KLB: variants seen among roughly 807,000 people sequenced by gnomAD.
KLB encodes the protein beta-klotho.
In KLB, 44 loss-of-function variants were observed where a neutral mutation model predicts 88.4. The observed-to-expected ratio is 0.50, with a 90% CI of 0.39 to 0.64. The LOEUF is 0.64. KLB is among the 30% of genes least tolerant of loss of function. The pLI is 0.00. For synonymous variants in KLB, 548 were observed against 513.4 expected (o/e 1.07, Z -0.91); for missense variants, 1,137 against 1,304.8 (o/e 0.87, Z 1.98).
rs201137531 is a variant in KLB at position 39,434,256 on chromosome 4, A to G, written c.872A>G (p.His291Arg). The G allele has an allele frequency of 1.2e-5, 19 of 1,614,056 alleles. No homozygotes were observed. In the Admixed American group the frequency reaches 2.5e-4, roughly 21 times the overall value. The change falls in exon 2 of 5, where the codon CAT (histidine) becomes CGT (arginine). Residue 291 changes from histidine to arginine, a missense_variant. By Grantham distance (29) the His-to-Arg change is conservative (BLOSUM62 0). Around this residue, in one of 4 missense-constraint regions of KLB, gnomAD observed 597 missense variants for 765.2 expected, o/e 0.78. Transcript: ENST00000257408. ...AACTACAACACACATTTCCGCCCAC[A>G]TCAGAAGGGTTGGTTATCGATCACG... Reference protein sequence around the residue: ...WHNYNTHFRPHQKGWLSITLG... With the variant: ...WHNYNTHFRPRQKGWLSITLG...
Position 39,448,165 on chromosome 4 carries a change from CA to C in KLB, c.2750-128del, listed in dbSNP as rs559950864. Reference sequence around the variant, plus strand: ...ACATAGATCATAAAAGAATAAATGTCAAAAAAAACCCTCTAATAAAAATCAC... The same window carrying C: ...ACATAGATCATAAAAGAATAAATGTCAAAAAAACCCTCTAATAAAAATCAC... On this transcript the variant is annotated intron_variant, in intron 4 of 4. Transcript: ENST00000257408. 8.6e-3 allele frequency: 5,343 copies of C among 617,736 alleles called. 37 individuals carry two copies. Among genetic ancestry groups the C allele is most frequent in the Non-Finnish European group, 0.012 (4,438 of 365,114 alleles). 38.3% of individuals were successfully genotyped at this position (617,736 alleles called of 1,614,324 possible).
intron 1 of KLB, among the ~76,000 whole-genome samples, chr4:39,425,107 A>G (rs761618682): frequency 6.6e-6 from 1 of 152,210 alleles, no homozygotes; most frequent in Non-Finnish European, 1.5e-5. Context: ...CTCTACAAAG[A>G]TGGCATGCAA....
chr4:39,448,439 G>A lies in KLB; in HGVS notation c.2888G>A (p.Ser963Asn), dbSNP rs201588988. The A allele has an allele frequency of 3.2e-5, 52 of 1,614,172 alleles. No homozygotes were observed. In the South Asian group the frequency reaches 4.1e-4, roughly 13 times the overall value. ...SSIQFYNKVI[S>N]SRGFPFENSS... ...ATACAATTTTACAACAAAGTGATCA[G>A]CAGCAGGGGCTTCCCTTTTGAGAAC... The change falls in exon 5 of 5, where the codon AGC becomes AAC. Residue 963 changes from serine to asparagine, a missense_variant. Physicochemically the swap from Ser to Asn is conservative, Grantham distance 46. Around this residue, in one of 4 missense-constraint regions of KLB, gnomAD observed 426 missense variants for 404.6 expected, o/e 1.05. Transcript: ENST00000257408.
In KLB at chr4:39,446,357, A is replaced by G; in HGVS notation, c.1631A>G (p.Gln544Arg). The change falls in exon 4 of 5, where the codon CAG becomes CGG. Residue 544 changes from glutamine to arginine, a missense_variant. Around this residue, in one of 4 missense-constraint regions of KLB, gnomAD observed 597 missense variants for 765.2 expected, o/e 0.78. Coordinates refer to ENST00000257408, the MANE Select transcript of KLB (RefSeq NM_175737.4). The surrounding 1 kb of genome is among the most constrained non-coding windows in gnomAD (Gnocchi z 6.4). ...CCCGAGTCTGTGGCTTCGTCCCCACAGTTCAGCGATCCTCATCTGTACGTG... is the reference window on the plus strand; with the variant it reads ...CCCGAGTCTGTGGCTTCGTCCCCACGGTTCAGCGATCCTCATCTGTACGTG... ...LKPESVASSP[Q>R]FSDPHLYVWN... is the part of the protein sequence containing the mutation. The G allele has an allele frequency of 6.2e-7, 1 of 1,614,018 alleles. No individual in the cohort carries two copies.
chr4:39,437,800 T>C lies in KLB; in HGVS notation c.1410T>C (p.Asp470=). The C allele has an allele frequency of 6.2e-7, 1 of 1,614,204 alleles. No homozygotes were observed. Among genetic ancestry groups the C allele is most frequent in the Non-Finnish European group, 8.5e-7 (1 of 1,180,012 alleles). Residue 470 remains aspartate, a synonymous_variant, in exon 3 of 5, where the codon GAT becomes GAC. Transcript: ENST00000257408. ...WSLLDGFEWQ[D]AYTIRRGLFY... Reference sequence around the variant, plus strand: ...TCCTGGATGGCTTTGAATGGCAGGATGCTTACACCATCCGCCGAGGATTAT... The same window carrying C: ...TCCTGGATGGCTTTGAATGGCAGGACGCTTACACCATCCGCCGAGGATTAT...
intron 1 of KLB, among the ~76,000 whole-genome samples, chr4:39,426,016 G>C (rs1291304127): frequency 6.6e-6 from 1 of 152,012 alleles, no homozygotes; most frequent in Non-Finnish European, 1.5e-5. Context: ...ACTTTGGGAG[G>C]CCGAGGCGGG....
At chr4:39,407,803 C>G in intron 1 of KLB, 29 bp downstream of exon 1, 2 of 1,244,840 alleles carry the variant, frequency 1.6e-6, no homozygotes, top group Non-Finnish European at 2.2e-6. Flanking sequence ...CTTCTTATAG[C>G]TTCAGAAAAC....
At chr4:39,439,234 AAC>A (rs1743543279) in intron 3 of KLB, among the ~76,000 whole-genome samples, 1 of 152,024 alleles carries the variant, frequency 6.6e-6, no homozygotes, top group Admixed American at 6.5e-5. Context: ...CCTGGGCTCA[AAC>A]ACACATCCTT....
chr4:39,420,252 C>T (rs1743052073), intron 1 of KLB, among the ~76,000 whole-genome samples: 1 of 151,974 alleles, frequency 6.6e-6, no homozygotes. Flanking sequence ...GATTACATGA[C>T]CAAAGTCTTG....
At chr4:39,411,432 C>A (rs1368856746) in intron 1 of KLB, among the ~76,000 whole-genome samples, 1 of 150,874 alleles carries the variant, frequency 6.6e-6, no homozygotes, top group Admixed American at 6.6e-5. Context: ...CTCCGCCTCC[C>A]AGGTTCACGC....
intron 1 of KLB, among the ~76,000 whole-genome samples, chr4:39,408,496 T>C (rs978555503): frequency 9.2e-5 from 14 of 152,186 alleles, no homozygotes; most frequent in African/African-American, 3.1e-4. Flanking sequence ...TGAGTACTTA[T>C]TATGTACCAC....
chr4:39,409,247 C>T (rs1317358334), intron 1 of KLB, among the ~76,000 whole-genome samples: 1 of 151,250 alleles, frequency 6.6e-6, no homozygotes, highest in South Asian at 2.1e-4. Flanking sequence ...CAAGATTATG[C>T]ATACAAAAGT....
chr4:39,448,609 C>A lies in KLB; in HGVS notation c.3058C>A (p.Gln1020Lys), dbSNP rs4975017. 529,303 of 1,613,676 alleles carry A rather than the reference C, an allele frequency of 0.33. 89,808 individuals are homozygous for A. The highest frequency in any genetic ancestry group is 0.43 in the South Asian group (38,955 of 91,064). ...CTTATCAATTGCCATTTTTCAAAGG[C>A]AGAAGAGAAGAAAGTTTTGGAAAGC... Reference protein sequence around the residue: ...LLLSIAIFQRQKRRKFWKAKN... With the variant: ...LLLSIAIFQRKKRRKFWKAKN... The change falls in exon 5 of 5, where the codon CAG becomes AAG. Residue 1020 changes from glutamine to lysine, a missense_variant. Gln to Lys is a moderately conservative substitution (Grantham distance 53, BLOSUM62 1). This residue lies in a region of KLB where 426 missense variants were observed against 404.6 expected (regional missense o/e 1.05). Transcript: ENST00000257408.
At chr4:39,432,888 T>G (rs1743393424) in intron 1 of KLB, among the ~76,000 whole-genome samples, 1 of 152,086 alleles carries the variant, frequency 6.6e-6, no homozygotes, top group Non-Finnish European at 1.5e-5. Context: ...GGGATTTTTT[T>G]TTTTTTTGAG....
chr4:39,423,715 C>T (rs1743136873), intron 1 of KLB, among the ~76,000 whole-genome samples: 1 of 151,770 alleles, frequency 6.6e-6, no homozygotes, highest in South Asian at 2.1e-4. Context: ...CAGGCCCTCC[C>T]CTGGGCATCT....
chr4:39,446,784 G>A lies in KLB; in HGVS notation c.2058G>A (p.Lys686=). 2 of 1,611,174 alleles carry A rather than the reference G, an allele frequency of 1.2e-6. No individual in the cohort carries two copies. The highest frequency in any genetic ancestry group is 2.2e-5 in the East Asian group (1 of 44,874). The change falls in exon 4 of 5, where the codon AAG becomes AAA. Residue 686 remains lysine, a synonymous_variant. Coordinates refer to ENST00000257408, the MANE Select transcript of KLB (RefSeq NM_175737.4). This position sits in a 1 kb window ranked among gnomAD's most constrained non-coding sequence, Gnocchi z 6.4. ...LCFQELGDLV[K]LWITINEPNR... ...TCCAGGAGCTGGGGGACCTGGTGAA[G>A]CTCTGGATCACCATCAACGAGCCTA...
chr4:39,440,085 T>A (rs1338911107), intron 3 of KLB, among the ~76,000 whole-genome samples: 1 of 151,942 alleles, frequency 6.6e-6, no homozygotes, highest in Non-Finnish European at 1.5e-5. Flanking sequence ...ATTACAGGTG[T>A]GAGCCACCAT....
intron 2 of KLB, 120 bp downstream of exon 2, chr4:39,434,840 GC>G (rs1743437405): frequency 1.3e-6 from 1 of 793,544 alleles, no homozygotes; most frequent in Admixed American, 3.0e-5. Context: ...GGAGTTTCTC[GC>G]TGTCTCCCAG....
At position 39,439,556 on chromosome 4, in the gene KLB, C is replaced by T. The variant is rs565334021; in HGVS notation, c.1605+1561C>T. ...TTTTGGCTCATTGTAACCTCTGCCT[C>T]CCCAGTTCAAACGATTCTCCTGCCT... On this transcript the variant is annotated intron_variant, in intron 3 of 4. Transcript: ENST00000257408. Among the ~76,000 whole-genome samples, 7 of 152,220 alleles carry T rather than the reference C, an allele frequency of 4.6e-5. No individual in the cohort carries two copies. The South Asian group carries it at 1.5e-3, about 32-fold the overall frequency.
Sources: gnomAD v4.1 joint callset for allele counts (sites outside exome capture counted in the v4.1 genomes callset) on GRCh38, gnomAD v4.1.1 for gene constraint, gnomAD v4.1.1 regional missense constraint, Gnocchi (gnomAD v3.1) non-coding constraint, MANE v1.5 for transcripts, NCBI Gene and HGNC (gene_info 2026-07-23, HGNC 2026-07-21) for gene names.